NRG3: variants seen among roughly 807,000 people sequenced by gnomAD.
The protein encoded by NRG3 is neuregulin 3.
A neutral mutation model predicts 66.9 loss-of-function variants in NRG3; 31 were observed. The observed-to-expected ratio is 0.46, with a 90% CI of 0.35 to 0.63. The LOEUF is 0.63. NRG3 is among the 20% of genes least tolerant of loss of function. NRG3 has a pLI of 0.00. For synonymous variants in NRG3, 393 were observed against 359.4 expected (o/e 1.09, Z -1.06); for missense variants, 910 against 878.9 (o/e 1.04, Z -0.45).
chr10:82,696,908 C>T lies in NRG3; in HGVS notation c.954-41669C>T, dbSNP rs183381149. Among the ~76,000 whole-genome samples, 102 of 152,280 alleles carry T rather than the reference C, an allele frequency of 6.7e-4. 1 individual carries two copies. The highest frequency in any genetic ancestry group is 1.2e-3 in the Non-Finnish European group (85 of 68,030). ...AATTAAATGAATTACTTAAAGGCCACTGTTTATGATTTAATCTATGAAAAA... is the reference window on the plus strand; with the variant it reads ...AATTAAATGAATTACTTAAAGGCCATTGTTTATGATTTAATCTATGAAAAA... On this transcript the variant is annotated intron_variant, in intron 2 of 8. Coordinates refer to ENST00000372141, the MANE Select transcript of NRG3 (RefSeq NM_001010848.4).
chr10:82,334,818 A>G (rs2082308827), intron 1 of NRG3, among the ~76,000 whole-genome samples: 1 of 152,202 alleles, frequency 6.6e-6, no homozygotes, highest in African/African-American at 2.4e-5. Flanking sequence ...TCTTAATAAA[A>G]TTAATTCAAG....
chr10:81,983,386 C>T (rs975854321), intron 1 of NRG3, among the ~76,000 whole-genome samples: 1 of 152,180 alleles, frequency 6.6e-6, no homozygotes, highest in Non-Finnish European at 1.5e-5. Flanking sequence ...GGGATGCTTT[C>T]TCTGATGGAT....
intron 1 of NRG3, among the ~76,000 whole-genome samples, chr10:82,335,229 G>A (rs1185283325): frequency 6.6e-6 from 1 of 152,182 alleles, no homozygotes; most frequent in Admixed American, 6.5e-5. Context: ...CTAAAATCAT[G>A]GCAGCTATCT....
chr10:82,732,556 T>A (rs2057964470), intron 2 of NRG3, among the ~76,000 whole-genome samples: 1 of 152,324 alleles, frequency 6.6e-6, no homozygotes, highest in Admixed American at 6.5e-5. Context: ...TGGGGTAATA[T>A]ACTTAACCTT....
rs559703742 is a variant in NRG3 at position 82,834,352 on chromosome 10, C to T, written c.1028-31059C>T. Among the ~76,000 whole-genome samples the T allele has an allele frequency of 3.3e-5, 5 of 152,208 alleles. No homozygotes were observed. The East Asian group carries it at 7.7e-4, about 23-fold the overall frequency. On this transcript the variant is annotated intron_variant, in intron 3 of 8. Transcript: ENST00000372141. ...AGCCGTTCACTCCTGAGACTAATAC[C>T]GAGTCCTCTTCATTTATCCTTGACC...
chr10:82,645,796 G>A lies in NRG3; in HGVS notation c.954-92781G>A, dbSNP rs151107187. ...GTGTTGTATTGAGACCTGCCTTCAG[G>A]CCTCTTTCATTTTTCCAAATCCCTT... On this transcript the variant is annotated intron_variant, in intron 2 of 8. Coordinates refer to ENST00000372141, the MANE Select transcript of NRG3 (RefSeq NM_001010848.4). 3.3e-5 allele frequency among the ~76,000 whole-genome samples: 5 copies of A among 152,124 alleles called. No individual in the cohort carries two copies. The East Asian group carries it at 9.7e-4, about 29-fold the overall frequency.
chr10:82,231,549 A>G (rs2076463876), intron 1 of NRG3, among the ~76,000 whole-genome samples: 1 of 152,146 alleles, frequency 6.6e-6, no homozygotes, highest in Non-Finnish European at 1.5e-5. Context: ...AATATCTACC[A>G]TATTAATAAA....
At chr10:82,512,787 T>G (rs1254950331) in intron 2 of NRG3, among the ~76,000 whole-genome samples, 1 of 152,120 alleles carries the variant, frequency 6.6e-6, no homozygotes, top group Non-Finnish European at 1.5e-5. Flanking sequence ...TAGTTTTGTG[T>G]TTTTTTGACT....
At chr10:82,419,546 C>A (rs964276760) in intron 2 of NRG3, among the ~76,000 whole-genome samples, 3 of 151,964 alleles carry the variant, frequency 2.0e-5, no homozygotes, top group African/African-American at 7.2e-5. Context: ...TTCTCCCGCC[C>A]AAAAAGTGAT....
At chr10:81,908,339 A>T (rs1333843913) in intron 1 of NRG3, among the ~76,000 whole-genome samples, 1 of 152,208 alleles carries the variant, frequency 6.6e-6, no homozygotes, top group Non-Finnish European at 1.5e-5. Flanking sequence ...AAAGTTGACT[A>T]AGACATTCAT....
At position 82,930,835 on chromosome 10, in the gene NRG3, G is replaced by A. The variant is rs139358050; in HGVS notation, c.1055-20634G>A. ...ACTGGGAACCCCATCTATGGGACTC[G>A]TGGTGGGTGGTGGGGGATGACAGAA... On this transcript the variant is annotated intron_variant, in intron 4 of 8. Coordinates refer to ENST00000372141, the MANE Select transcript of NRG3 (RefSeq NM_001010848.4). Among the ~76,000 whole-genome samples, 138 of 152,258 alleles carry A rather than the reference G, an allele frequency of 9.1e-4. No individual in the cohort carries two copies. The East Asian group carries it at 0.014, about 15-fold the overall frequency.
At chr10:82,864,877 T>G (rs2135944327) in intron 3 of NRG3, among the ~76,000 whole-genome samples, 1 of 152,252 alleles carries the variant, frequency 6.6e-6, no homozygotes, top group South Asian at 2.1e-4. Flanking sequence ...TGAAGCACAG[T>G]TTTCTCATCT....
chr10:81,963,990 CA>C (rs1341704364), intron 1 of NRG3, among the ~76,000 whole-genome samples: 5 of 151,916 alleles, frequency 3.3e-5, no homozygotes, highest in Admixed American at 2.0e-4. Flanking sequence ...TTTAATCGTA[CA>C]AAAAATACAT....
chr10:82,458,017 G>T (rs745843717), intron 2 of NRG3, among the ~76,000 whole-genome samples: 1 of 152,220 alleles, frequency 6.6e-6, no homozygotes, highest in Non-Finnish European at 1.5e-5. Flanking sequence ...ACCGTGGTGT[G>T]TGTGTTTGGG....
At chr10:81,937,095 A>G (rs1390498535) in intron 1 of NRG3, among the ~76,000 whole-genome samples, 1 of 152,162 alleles carries the variant, frequency 6.6e-6, no homozygotes, top group East Asian at 1.9e-4. Context: ...ATGTTGTAGC[A>G]TATAACAGGA....
Position 82,329,080 on chromosome 10 carries a change from G to A in NRG3, c.824-29659G>A, listed in dbSNP as rs141386418. ...TGGAGAATAAAGCCACTGGACAGCCGAGGGCCATGTAGTCCCAGAGACAGC... is the reference window on the plus strand; with the variant it reads ...TGGAGAATAAAGCCACTGGACAGCCAAGGGCCATGTAGTCCCAGAGACAGC... On this transcript the variant is annotated intron_variant, in intron 1 of 8. Coordinates refer to ENST00000372141, the MANE Select transcript of NRG3 (RefSeq NM_001010848.4). Among the ~76,000 whole-genome samples the A allele has an allele frequency of 3.8e-3, 580 of 152,260 alleles. 2 individuals carry two copies. The highest frequency in any genetic ancestry group is 0.013 in the African/African-American group (549 of 41,560).
chr10:82,545,614 C>A (rs1482821452), intron 2 of NRG3, among the ~76,000 whole-genome samples: 2 of 151,888 alleles, frequency 1.3e-5, no homozygotes, highest in African/African-American at 4.8e-5. Context: ...ATCTCCTGAC[C>A]TCGTGATCCG....
intron 1 of NRG3, among the ~76,000 whole-genome samples, chr10:82,352,213 A>G (rs1564828405): frequency 6.6e-6 from 1 of 152,278 alleles, no homozygotes. Context: ...ACACACACAC[A>G]TACAGACACA....
intron 3 of NRG3, among the ~76,000 whole-genome samples, chr10:82,783,778 C>T (rs969792992): frequency 6.6e-6 from 1 of 152,190 alleles, no homozygotes; most frequent in Non-Finnish European, 1.5e-5. Context: ...AATGGCCATA[C>T]TGCCCAAGGT....
Sources: gnomAD v4.1 joint callset for allele counts (sites outside exome capture counted in the v4.1 genomes callset) on GRCh38, gnomAD v4.1.1 for gene constraint, MANE v1.5 for transcripts, NCBI Gene and HGNC (gene_info 2026-07-23, HGNC 2026-07-21) for gene names.